Variants in CCDC57 observed in about 807,000 individuals in gnomAD.
The protein encoded by CCDC57 is coiled-coil domain containing 57, also known as coiled-coil domain-containing protein 57.
CCDC57 carries 118 observed loss-of-function variants against 118.9 expected under a neutral mutation model. The ratio of observed to expected loss-of-function variants is 0.99; its 90% CI spans 0.86 to 1.16. The LOEUF (loss-of-function observed/expected upper bound fraction) is 1.16, where lower values mean the gene tolerates loss of function less well. Among genes scored for constraint, CCDC57 ranks in the 50% most tolerant of loss-of-function variants. The probability of loss-of-function intolerance (pLI) is 0.00; values close to 1 mark genes in which losing one functional copy is unlikely to be tolerated. For synonymous variants in CCDC57, 527 were observed against 532.9 expected, an observed-to-expected ratio of 0.99 and a Z score of 0.15; for missense variants, 1,300 against 1,320.7, an observed-to-expected ratio of 0.98 and a Z score of 0.24.
chr17:82,107,727 G>A (rs1358119103), intron 19 of CCDC57: 1 of 404,926 alleles, frequency 2.5e-6, no homozygotes, highest in African/African-American at 2.0e-5. Context: ...GTGGACTGGA[G>A]AAGACACATT....
chr17:82,163,140 C>T lies in CCDC57; in HGVS notation c.2040+60G>A, dbSNP rs938639283. ...GCACCGGGCAGCCGCTCAGAGCCCA[C>T]GCGCTCTCCCCCAGCAGCGGCTCTC... On this transcript the variant is annotated intron_variant, in intron 14 of 19. Coordinates refer to ENST00000665763, the Ensembl canonical transcript of CCDC57. The T allele has an allele frequency of 1.5e-5, 24 of 1,578,874 alleles. No individual in the cohort carries two copies. The African/African-American group carries it at 1.6e-4, about 11-fold the overall frequency.
intron 16 of CCDC57, among the ~76,000 whole-genome samples, chr17:82,143,484 GCA>G (rs10581789): frequency 4.5e-5 from 2 of 44,438 alleles, no homozygotes; most frequent in African/African-American, 7.9e-5. Flanking sequence ...ACACACACAG[GCA>G]CACACACACA....
At chr17:82,113,538 T>TG (rs1470716649) in intron 19 of CCDC57, 4 of 717,498 alleles carry the variant, frequency 5.6e-6, no homozygotes, top group Non-Finnish European at 1.0e-5. Context: ...TGCATGTTTT[T>TG]GCACACTGAG....
In CCDC57 at chr17:82,127,924, T is replaced by C. The variant is rs748970320; in HGVS notation, c.2683-16A>G. 3 of 1,610,584 alleles carry C rather than the reference T, an allele frequency of 1.9e-6. No individual in the cohort carries two copies. The highest frequency in any genetic ancestry group is 4.5e-5 in the East Asian group (2 of 44,780). ...TGTGTTGTGTCTAGAAAAGACATCA[T>C]CGTCTTGAAAGCCACCCTCTCCAAC... On this transcript the variant is annotated splice_polypyrimidine_tract_variant and intron_variant, in intron 18 of 19. Transcript: ENST00000665763.
chr17:82,128,380 A>T, intron 18 of CCDC57, 113 bp downstream of exon 17: 2 of 690,002 alleles, frequency 2.9e-6, no homozygotes, highest in South Asian at 1.9e-5. Flanking sequence ...GACGGCACAA[A>T]GGCAGGCATG....
Position 82,172,947 on chromosome 17 carries a change from C to A in CCDC57, c.1507-87G>T, listed in dbSNP as rs2044946674. 1 of 1,211,784 alleles carries A rather than the reference C, an allele frequency of 8.3e-7. No individual in the cohort carries two copies. Among genetic ancestry groups the A allele is most frequent in the African/African-American group, 1.5e-5 (1 of 66,552 alleles). 75.1% of individuals were successfully genotyped at this position (1,211,784 alleles called of 1,614,324 possible). ...GGCTGTGCCTCCGCTCTCCCCGCGC[C>A]CCTCTCGGGCCGGTCCCCCGCTTCA... On this transcript the variant is annotated intron_variant, in intron 11 of 19. Coordinates refer to ENST00000665763, the Ensembl canonical transcript of CCDC57. This position sits in a 1 kb window ranked among gnomAD's most constrained non-coding sequence, Gnocchi z 5.2.
rs115665040 is a variant in CCDC57 at position 82,195,418 on chromosome 17, C to T, written c.517-54G>A. The T allele has an allele frequency of 1.9e-3, 2,709 of 1,394,638 alleles. 43 individuals carry two copies. In the African/African-American group the frequency reaches 0.035, roughly 18 times the overall value. The allele number at this position is 1,394,638 out of a possible 1,614,324, so 86.4% of individuals were successfully genotyped here. A position where few individuals can be genotyped will look rare whatever the true frequency, so the allele number is the denominator to read the frequency against. ...AACAGTGGGAACCCAGCAAAGACCC[C>T]CACCCACGTCCTGGGAGGTGGGATC... is the stretch of plus-strand genomic sequence containing the variant. On this transcript the variant is annotated intron_variant, in intron 4 of 19. Transcript: ENST00000665763.
chr17:82,205,594 C>T (rs1197894947), intron 2 of CCDC57, among the ~76,000 whole-genome samples: 2 of 152,198 alleles, frequency 1.3e-5, no homozygotes, highest in African/African-American at 2.4e-5. Flanking sequence ...CCCATCTCCC[C>T]ACTGGGTGAG....
intron 13 of CCDC57, among the ~76,000 whole-genome samples, chr17:82,165,954 A>G (rs1378731047): frequency 6.6e-6 from 1 of 152,210 alleles, no homozygotes; most frequent in Non-Finnish European, 1.5e-5. Flanking sequence ...ACATAGATTT[A>G]ATAAGAACTG....
At chr17:82,129,204 C>T (rs1402987125) in intron 17 of CCDC57, among the ~76,000 whole-genome samples, 5 of 152,152 alleles carry the variant, frequency 3.3e-5, no homozygotes, top group Admixed American at 3.3e-4. Context: ...CAGGTGTGAG[C>T]CACCACGCCT....
chr17:82,140,976 ATTTAT>A, intron 16 of CCDC57, among the ~76,000 whole-genome samples: 1 of 48,792 alleles, frequency 2.0e-5, no homozygotes, highest in Non-Finnish European at 4.3e-5. Flanking sequence ...AGAGGCTTTT[ATTTAT>A]TTTATTTTAA....
intron 9 of CCDC57, among the ~76,000 whole-genome samples, chr17:82,182,126 A>G (rs1398055981): frequency 3.3e-5 from 5 of 152,098 alleles, no homozygotes; most frequent in African/African-American, 1.2e-4. Flanking sequence ...TCAAAAAAAA[A>G]AGAAAAAAAG....
At chr17:82,159,113 C>A (rs186794675) in intron 14 of CCDC57, among the ~76,000 whole-genome samples, 8 of 152,214 alleles carry the variant, frequency 5.3e-5, no homozygotes, top group Non-Finnish European at 1.0e-4. Flanking sequence ...ATAATCCTCC[C>A]ACCTCACCAT....
chr17:82,171,605 G>T (rs2044747051), intron 13 of CCDC57, 96 bp downstream of exon 12: 2 of 1,357,654 alleles, frequency 1.5e-6, no homozygotes, highest in Non-Finnish European at 2.0e-6. Flanking sequence ...GTCTGCAGTA[G>T]CCTTGAGCTG....
At chr17:82,188,807 C>T (rs1386914688) in intron 7 of CCDC57, among the ~76,000 whole-genome samples, 1 of 152,202 alleles carries the variant, frequency 6.6e-6, no homozygotes, top group African/African-American at 2.4e-5. Flanking sequence ...GCCAGGTCTA[C>T]GGAGCCACAC....
At chr17:82,204,753 G>A (rs1052724266) in intron 2 of CCDC57, among the ~76,000 whole-genome samples, 7 of 152,020 alleles carry the variant, frequency 4.6e-5, no homozygotes, top group African/African-American at 4.8e-5. Flanking sequence ...ACTGCAGTCC[G>A]GCCTGGGCAA....
intron 19 of CCDC57, among the ~76,000 whole-genome samples, chr17:82,107,103 C>T (rs950806908): frequency 5.9e-5 from 9 of 152,214 alleles, no homozygotes; most frequent in African/African-American, 1.7e-4. Flanking sequence ...GCAGGAGCTA[C>T]GCCAGCCACA....
chr17:82,143,493 CACA>C (rs2040301619), intron 16 of CCDC57, among the ~76,000 whole-genome samples: 1 of 146,698 alleles, frequency 6.8e-6, no homozygotes, highest in Admixed American at 6.9e-5. Context: ...GGCACACACA[CACA>C]CCCCACACGT....
chr17:82,183,074 C>G (rs537211629), intron 9 of CCDC57, among the ~76,000 whole-genome samples: 1 of 152,304 alleles, frequency 6.6e-6, no homozygotes, highest in South Asian at 2.1e-4. Context: ...CACCTCCCAT[C>G]AGGGTCCTCC....
Sources: gnomAD v4.1 joint callset for allele counts (sites outside exome capture counted in the v4.1 genomes callset) on GRCh38, gnomAD v4.1.1 for gene constraint, Gnocchi (gnomAD v3.1) non-coding constraint, MANE v1.5 for transcripts, NCBI Gene and HGNC (gene_info 2026-07-23, HGNC 2026-07-21) for gene names.